The following MID1 variants were observed in gnomAD, a reference collection of about 807,000 sequenced individuals.
The protein encoded by MID1 is midline 1.
Under a neutral mutation model 40.4 loss-of-function variants are expected in MID1, and 7 were observed. The observed-to-expected ratio is 0.17, with a 90% CI of 0.10 to 0.33. The LOEUF is 0.33. Ranked by LOEUF, MID1 falls within the 10% of genes least tolerant of loss-of-function variation. The probability of loss-of-function intolerance (pLI) is 1.00; values close to 1 mark genes in which losing one functional copy is unlikely to be tolerated. For synonymous variants in MID1, 229 were observed against 221.2 expected (o/e 1.04, Z -0.31); for missense variants, 367 against 558.5 (o/e 0.66, Z 3.46).
intron 1 of MID1, among the ~76,000 whole-genome samples, chrX:10,784,477 ACT>A (rs2043867568): frequency 1.1e-5 from 1 of 87,681 alleles, no homozygotes; most frequent in Non-Finnish European, 2.1e-5. Context: ...ACAGAGTCTC[ACT>A]CTGTCAGTCA....
chrX:10,513,634 G>A (rs1370388090), intron 3 of MID1, among the ~76,000 whole-genome samples: 3 of 111,584 alleles, frequency 2.7e-5, no homozygotes, highest in Admixed American at 9.5e-5. Context: ...TCAGCCTCTC[G>A]AGCAGCTGGG....
Position 10,821,458 on chromosome X carries a change from G to A in MID1, c.-187+12096C>T, listed in dbSNP as rs1251742805. On this transcript the variant is annotated intron_variant, in intron 1 of 10. Transcript: ENST00000380785. Reference sequence around the variant, plus strand: ...CATCTTCAGGGGTTAGTTTCACTGGGAAAAACCCTACTAGGACACTAGTAC... The same window carrying A: ...CATCTTCAGGGGTTAGTTTCACTGGAAAAAACCCTACTAGGACACTAGTAC... Among the ~76,000 whole-genome samples, 15 of 111,958 alleles carry A rather than the reference G, an allele frequency of 1.3e-4. No homozygotes were observed. In the Admixed American group the frequency reaches 1.4e-3, roughly 11 times the overall value.
At position 10,586,439 on chromosome X, in the gene MID1, G is replaced by T. The variant is rs999910431; in HGVS notation, c.-56-18836C>A. On this transcript the variant is annotated intron_variant, in intron 1 of 9. Coordinates refer to ENST00000317552, the MANE Select transcript of MID1 (RefSeq NM_000381.4). The stretch of plus-strand genomic sequence containing the variant: ...AGCTCTCGGTCTACTGATGTTTAAG[G>T]ATGGTCTTGGAGGTTGGGCCCACTA... 3.6e-5 allele frequency among the ~76,000 whole-genome samples: 4 copies of T among 111,538 alleles called. No homozygotes were observed. The East Asian group carries it at 8.4e-4, about 23-fold the overall frequency.
intron 1 of MID1, among the ~76,000 whole-genome samples, chrX:10,697,194 T>C (rs1265850060): frequency 9.0e-6 from 1 of 111,116 alleles, no homozygotes; most frequent in Admixed American, 9.6e-5. Context: ...CTCCAAGAAG[T>C]AGAAACAAAG....
rs899119288 is a variant in MID1, at chrX:10,448,255, T to G, written c.*1113A>C. 1 of 111,449 alleles carries G rather than the reference T, an allele frequency of 9.0e-6. No homozygotes were observed. The highest frequency in any genetic ancestry group is 3.3e-5 in the African/African-American group (1 of 30,553). 9.2% of individuals were successfully genotyped at this position (111,449 alleles called of 1,213,427 possible). ...ATCTAGCAAATAGTACTTTATACAA[T>G]GTCCCTTGTCATTACCAACTCATAA... On this transcript the variant is annotated 3_prime_UTR_variant, in exon 10 of 10. Transcript: ENST00000317552.
chrX:10,596,284 G>A (rs1307288216), intron 1 of MID1, among the ~76,000 whole-genome samples: 3 of 111,008 alleles, frequency 2.7e-5, no homozygotes, highest in Non-Finnish European at 5.7e-5. Context: ...CCTAAGACTG[G>A]ATTACTTCCA....
chrX:10,785,646 C>T (rs2043877085), intron 1 of MID1, among the ~76,000 whole-genome samples: 1 of 110,103 alleles, frequency 9.1e-6, no homozygotes, highest in Non-Finnish European at 1.9e-5. Context: ...AGAACAGAGC[C>T]CTCAGAAATA....
At chrX:10,589,864 A>G (rs1935243669) in intron 1 of MID1, 1 of 110,295 alleles carries the variant, frequency 9.1e-6, no homozygotes, top group South Asian at 4.1e-4. Context: ...GTAGCAAGAC[A>G]AGCCGCAGAC....
intron 1 of MID1, among the ~76,000 whole-genome samples, chrX:10,590,268 T>A (rs766128528): frequency 8.9e-6 from 1 of 111,824 alleles, no homozygotes; most frequent in South Asian, 3.9e-4. Flanking sequence ...CTGCCTTTAG[T>A]TTTGCTTCTC....
chrX:10,501,660 G>T lies in MID1; in HGVS notation c.757-5969C>A, dbSNP rs1211207913. On this transcript the variant is annotated intron_variant, in intron 3 of 9. Transcript: ENST00000317552. ...TCCTGAGATGGAATTCAGCATTGAG[G>T]GTCACTCGGCTTCATTAATGCTCAT... 21 of 691,853 alleles carry T rather than the reference G, an allele frequency of 3.0e-5. No individual in the cohort carries two copies. The Middle Eastern group carries it at 1.2e-3, about 39-fold the overall frequency. The allele number at this position is 691,853 out of a possible 1,213,427, so 57.0% of individuals were successfully genotyped here. A position where few individuals can be genotyped will look rare whatever the true frequency, so the allele number is the denominator to read the frequency against.
rs1602230401 is a variant in MID1 at position 10,446,908 on chromosome X, G to A, written c.*2460C>T. 1 of 111,133 alleles carries A rather than the reference G, an allele frequency of 9.0e-6. No individual in the cohort carries two copies. The allele number at this position is 111,133 out of a possible 1,213,427, so 9.2% of individuals were successfully genotyped here. A position where few individuals can be genotyped will look rare whatever the true frequency, so the allele number is the denominator to read the frequency against. On this transcript the variant is annotated 3_prime_UTR_variant, in exon 10 of 10. Coordinates refer to ENST00000317552, the MANE Select transcript of MID1 (RefSeq NM_000381.4). ...TGTATCGCAGTGTTTCCTGTGGTGAGGACCCCAAATAATAAAATACTGTGA... is the reference window on the plus strand; with the variant it reads ...TGTATCGCAGTGTTTCCTGTGGTGAAGACCCCAAATAATAAAATACTGTGA...
chrX:10,551,734 T>C (rs182410652), intron 2 of MID1, among the ~76,000 whole-genome samples: 1 of 111,978 alleles, frequency 8.9e-6, no homozygotes, highest in East Asian at 2.8e-4. Context: ...GCTTGAGAAA[T>C]TGAAACACTA....
intron 6 of MID1, among the ~76,000 whole-genome samples, chrX:10,472,294 C>T (rs1302380241): frequency 7.1e-5 from 8 of 112,393 alleles, no homozygotes; most frequent in Non-Finnish European, 1.5e-4. Flanking sequence ...GGGTTGACAG[C>T]TCAGAAGACA....
At chrX:10,720,455 C>T (rs1287836708) in intron 1 of MID1, among the ~76,000 whole-genome samples, 1 of 112,342 alleles carries the variant, frequency 8.9e-6, no homozygotes, top group Non-Finnish European at 1.9e-5. Flanking sequence ...AAATGCTCAT[C>T]ATCACTGGCC....
chrX:10,755,346 T>G (rs12855797), intron 1 of MID1, among the ~76,000 whole-genome samples: 21,044 of 110,547 alleles, frequency 0.19, 2,203 homozygotes, highest in African/African-American at 0.4. Context: ...AGATTTTTTT[T>G]TTGTTGTTGT....
intron 2 of MID1, among the ~76,000 whole-genome samples, chrX:10,534,508 A>T (rs988860939): frequency 6.2e-5 from 7 of 112,406 alleles, no homozygotes; most frequent in Non-Finnish European, 9.4e-5. Context: ...AATTTTGAAT[A>T]GATAAGTATG....
In MID1 at chrX:10,593,003, A is replaced by G. The variant is rs186283103; in HGVS notation, c.-56-25400T>C. 1.9e-3 allele frequency among the ~76,000 whole-genome samples: 214 copies of G among 112,114 alleles called. 1 individual carries two copies. The highest frequency in any genetic ancestry group is 6.7e-3 in the African/African-American group (208 of 30,922). ...TAAATAGAGATGACGTAGGAGATTG[A>G]CTTGAATGTATAATTGTATCCATGA... On this transcript the variant is annotated intron_variant, in intron 1 of 9. Coordinates refer to ENST00000317552, the MANE Select transcript of MID1 (RefSeq NM_000381.4).
chrX:10,509,585 C>G (rs1774032290), intron 3 of MID1, among the ~76,000 whole-genome samples: 1 of 111,621 alleles, frequency 9.0e-6, no homozygotes, highest in African/African-American at 3.3e-5. Context: ...ACTCCATCCT[C>G]TTAGCCCTAC....
At chrX:10,680,170 T>C (rs1004301451) in intron 1 of MID1, among the ~76,000 whole-genome samples, 1 of 112,126 alleles carries the variant, frequency 8.9e-6, no homozygotes, top group Admixed American at 9.5e-5. Flanking sequence ...TGATTCAGAG[T>C]GTAAAACCCT....
Sources: gnomAD v4.1 joint callset for allele counts (sites outside exome capture counted in the v4.1 genomes callset) on GRCh38, gnomAD v4.1.1 for gene constraint, MANE v1.5 for transcripts, NCBI Gene and HGNC (gene_info 2026-07-23, HGNC 2026-07-21) for gene names.